The following ULK4 variants were observed in gnomAD, a reference collection of about 807,000 sequenced individuals.
ULK4 encodes inactive serine/threonine-protein kinase ULK4.
In ULK4, 133 loss-of-function variants were observed where a neutral mutation model predicts 160.6. The ratio of observed to expected loss-of-function variants is 0.83; its 90% CI spans 0.72 to 0.96. The LOEUF (loss-of-function observed/expected upper bound fraction) is 0.96. Ranked by LOEUF, ULK4 falls within the 40% of genes least tolerant of loss-of-function variation. The pLI is 0.00. For missense variants in ULK4, 1,580 were observed against 1,499.5 expected (o/e 1.05, Z -0.89); for synonymous variants, 534 against 539.8 (o/e 0.99, Z 0.15).
At chr3:41,423,599 A>G (rs1485643018) in intron 34 of ULK4, among the ~76,000 whole-genome samples, 1 of 152,188 alleles carries the variant, frequency 6.6e-6, no homozygotes, top group African/African-American at 2.4e-5. Flanking sequence ...AAGATGGCCG[A>G]ATAGAAACAG....
At chr3:41,353,711 CTACTACT>C (rs2080967759) in intron 35 of ULK4, among the ~76,000 whole-genome samples, 3 of 129,720 alleles carry the variant, frequency 2.3e-5, no homozygotes, top group Non-Finnish European at 5.0e-5. Flanking sequence ...ACTACTACTA[CTACTACT>C]ACTACTACTA....
intron 21 of ULK4, among the ~76,000 whole-genome samples, chr3:41,756,769 CA>C (rs2038817418): frequency 6.6e-6 from 1 of 152,144 alleles, no homozygotes; most frequent in Admixed American, 6.5e-5. Context: ...ACAAAATTAA[CA>C]GACTGATTAC....
chr3:41,554,338 G>A lies in ULK4; in HGVS notation c.3226+11687C>T, dbSNP rs554777855. 3.0e-4 allele frequency among the ~76,000 whole-genome samples: 46 copies of A among 152,202 alleles called. 1 individual carries two copies. The highest frequency in any genetic ancestry group is 9.4e-4 in the African/African-American group (39 of 41,538). On this transcript the variant is annotated intron_variant, in intron 32 of 36. Coordinates refer to ENST00000301831, the MANE Select transcript of ULK4 (RefSeq NM_017886.4). ...CTACAGATGAATGGATAAAGATAAC[G>A]TAATATCTATACATGATGGAATACT... is the stretch of plus-strand genomic sequence containing the variant.
chr3:41,713,181 T>C (rs763800841), intron 25 of ULK4, among the ~76,000 whole-genome samples: 25 of 152,298 alleles, frequency 1.6e-4, no homozygotes, highest in Non-Finnish European at 3.1e-4. Context: ...GGCTTTAATA[T>C]GCTAATTTGC....
chr3:41,294,338 C>T lies in ULK4; in HGVS notation c.3679-44764G>A, dbSNP rs539805106. Among the ~76,000 whole-genome samples, 91 of 152,318 alleles carry T rather than the reference C, an allele frequency of 6.0e-4. 1 individual carries two copies. Among genetic ancestry groups the T allele is most frequent in the Admixed American group, 1.8e-3 (27 of 15,298 alleles). On this transcript the variant is annotated intron_variant, in intron 35 of 36. Coordinates refer to ENST00000301831, the MANE Select transcript of ULK4 (RefSeq NM_017886.4). The stretch of plus-strand genomic sequence containing the variant: ...GGACCCTCACCAGACAATGAACCTG[C>T]TCATGCCTTGATCTTGGACTTCCCA...
intron 31 of ULK4, among the ~76,000 whole-genome samples, chr3:41,589,349 T>C (rs2031098545): frequency 7.3e-6 from 1 of 137,406 alleles, no homozygotes; most frequent in African/African-American, 2.8e-5. Context: ...AAAAATAACA[T>C]GGGAAATCTG....
chr3:41,432,969 A>C (rs2082948720), intron 34 of ULK4, among the ~76,000 whole-genome samples: 1 of 152,184 alleles, frequency 6.6e-6, no homozygotes, highest in African/African-American at 2.4e-5. Context: ...GACATTTTAA[A>C]ACATAACATA....
chr3:41,706,326 T>G (rs1331696044), intron 25 of ULK4, among the ~76,000 whole-genome samples: 2 of 148,886 alleles, frequency 1.3e-5, no homozygotes, highest in African/African-American at 4.9e-5. Flanking sequence ...GCAACGGAGT[T>G]CTTGCCACTA....
chr3:41,946,043 C>T (rs901624923), intron 2 of ULK4, among the ~76,000 whole-genome samples: 2 of 151,690 alleles, frequency 1.3e-5, no homozygotes, highest in African/African-American at 2.4e-5. Context: ...GGGCAGGGGG[C>T]GGGAAGGGCA....
intron 35 of ULK4, among the ~76,000 whole-genome samples, chr3:41,329,039 T>C (rs1482866622): frequency 6.6e-6 from 1 of 152,248 alleles, no homozygotes; most frequent in Non-Finnish European, 1.5e-5. Context: ...AATTCCTTTG[T>C]GCTGCCCCTC....
chr3:41,939,239 C>T (rs545464425), intron 2 of ULK4, among the ~76,000 whole-genome samples: 2 of 151,664 alleles, frequency 1.3e-5, no homozygotes, highest in African/African-American at 4.8e-5. Flanking sequence ...CGGCTCACTG[C>T]ACCCTCTGCC....
intron 6 of ULK4, among the ~76,000 whole-genome samples, chr3:41,918,838 T>C (rs915801777): frequency 1.3e-5 from 2 of 152,104 alleles, no homozygotes; most frequent in African/African-American, 4.8e-5. Context: ...CCTGACCTCG[T>C]GATCCGCCCG....
chr3:41,905,675 T>G (rs1164329120), intron 12 of ULK4, among the ~76,000 whole-genome samples: 2 of 152,154 alleles, frequency 1.3e-5, no homozygotes, highest in African/African-American at 4.8e-5. Flanking sequence ...TTTGAATAAA[T>G]ATTTCTCCAA....
intron 35 of ULK4, among the ~76,000 whole-genome samples, chr3:41,313,356 C>A (rs1380085101): frequency 6.6e-6 from 1 of 152,140 alleles, no homozygotes; most frequent in Non-Finnish European, 1.5e-5. Flanking sequence ...CAGTCCATGG[C>A]AATAAAAAGT....
intron 17 of ULK4, among the ~76,000 whole-genome samples, chr3:41,849,895 G>A (rs1194816811): frequency 6.6e-6 from 1 of 152,132 alleles, no homozygotes; most frequent in Non-Finnish European, 1.5e-5. Context: ...CATGTGACAT[G>A]TTGGTATGCT....
rs140684400 is a variant in ULK4 at position 41,944,353 on chromosome 3, T to C, written c.139-6156A>G. 1.6e-4 allele frequency among the ~76,000 whole-genome samples: 25 copies of C among 152,246 alleles called. No individual in the cohort carries two copies. In the East Asian group the frequency reaches 4.4e-3, roughly 27 times the overall value. ...TTCACGGGAGGATGAGGCAGGAGAA[T>C]TGCCTGAATCCAAGAGGTGGAGGTT... On this transcript the variant is annotated intron_variant, in intron 2 of 36. Coordinates refer to ENST00000301831, the MANE Select transcript of ULK4 (RefSeq NM_017886.4).
rs59466358 is a variant in ULK4 at position 41,344,752 on chromosome 3, CAA to C, written c.3678+53325_3678+53326del. The stretch of plus-strand genomic sequence containing the variant: ...TGGGTAACAGAGCAAGACTCTGTCT[CAA>C]AAAAAAAAAAAAAAAAAAAGGCAAA... On this transcript the variant is annotated intron_variant, in intron 35 of 36. Coordinates refer to ENST00000301831, the MANE Select transcript of ULK4 (RefSeq NM_017886.4). Among the ~76,000 whole-genome samples, 578 of 62,800 alleles carry C rather than the reference CAA, an allele frequency of 9.2e-3. 2 individuals carry two copies. The highest frequency in any genetic ancestry group is 0.013 in the South Asian group (23 of 1,794). The allele number at this position is 62,800 out of a possible 152,430, so 41.2% of individuals were successfully genotyped here.
Position 41,911,659 on chromosome 3 carries a change from G to T in ULK4, c.897C>A (p.Ser299Arg). ...QESSVEDLSL[S>R]RNTMECSGPQ... is the part of the protein sequence containing the mutation. The stretch of plus-strand genomic sequence containing the variant: ...GCCCAGAACACTCCATAGTGTTTCT[G>T]CTATTATTGGAGAAAACCAACACAA... Residue 299 changes from serine (S) to arginine (R), a missense_variant and splice_region_variant, in exon 10 of 37, where the codon AGC (serine) becomes AGA (arginine). By Grantham distance (110) the Ser-to-Arg change is moderately radical (BLOSUM62 -1). Coordinates refer to ENST00000301831, the MANE Select transcript of ULK4 (RefSeq NM_017886.4). 1.2e-6 allele frequency: 2 copies of T among 1,607,330 alleles called. No homozygotes were observed. Among genetic ancestry groups the T allele is most frequent in the Non-Finnish European group, 1.7e-6 (2 of 1,175,684 alleles).
At chr3:41,771,893 T>G (rs969791798) in intron 21 of ULK4, among the ~76,000 whole-genome samples, 1 of 152,202 alleles carries the variant, frequency 6.6e-6, no homozygotes, top group Admixed American at 6.5e-5. Context: ...TATTTGAAAC[T>G]TGTAAGCCCA....
Sources: gnomAD v4.1 joint callset for allele counts (sites outside exome capture counted in the v4.1 genomes callset) on GRCh38, gnomAD v4.1.1 for gene constraint, MANE v1.5 for transcripts, NCBI Gene and HGNC (gene_info 2026-07-23, HGNC 2026-07-21) for gene names.